MPP7: variants seen among roughly 807,000 people sequenced by gnomAD.
MPP7 encodes MAGUK p55 subfamily member 7.
Under a neutral mutation model 76.5 loss-of-function variants are expected in MPP7, and 60 were observed. That is an observed-to-expected ratio of 0.78 (90% confidence interval 0.64 to 0.97). The LOEUF is 0.97. Ranked by LOEUF, MPP7 falls within the 50% of genes least tolerant of loss-of-function variation. MPP7 has a pLI of 0.00. For missense variants in MPP7, 641 were observed against 694.0 expected, an observed-to-expected ratio of 0.92 and a Z score of 0.86; for synonymous variants, 237 against 244.5, an observed-to-expected ratio of 0.97 and a Z score of 0.29.
At chr10:28,118,288 A>G (rs1346156642) in intron 11 of MPP7, 1 of 982,536 alleles carries the variant, frequency 1.0e-6, no homozygotes, top group African/African-American at 1.7e-5. Flanking sequence ...AGTTCTTTTA[A>G]AGAAATACAT....
chr10:28,058,348 T>C (rs1254992009), intron 15 of MPP7, 147 bp downstream of exon 15: 3 of 464,156 alleles, frequency 6.5e-6, no homozygotes, highest in African/African-American at 6.0e-5. Context: ...TGTCTCCAAT[T>C]ATATTTAAAT....
intron 1 of MPP7, among the ~76,000 whole-genome samples, chr10:28,247,348 T>C (rs960756665): frequency 3.3e-5 from 5 of 152,208 alleles, no homozygotes; most frequent in African/African-American, 1.2e-4. Flanking sequence ...TTGTAAATAA[T>C]TATGTCATAA....
intron 11 of MPP7, among the ~76,000 whole-genome samples, chr10:28,101,456 GGAGTA>G (rs995770139): frequency 6.6e-6 from 1 of 152,062 alleles, no homozygotes; most frequent in Non-Finnish European, 1.5e-5. Context: ...AAAACACCTA[GGAGTA>G]GATGTGGGTA....
chr10:28,147,735 G>A (rs1312940435), intron 4 of MPP7, among the ~76,000 whole-genome samples, 172 bp from the exon 5 acceptor site: 1 of 152,134 alleles, frequency 6.6e-6, no homozygotes, highest in Non-Finnish European at 1.5e-5. Context: ...TTAGACCTTC[G>A]GTAGTCCAGA....
At chr10:28,079,801 A>G (rs1434752669) in intron 12 of MPP7, among the ~76,000 whole-genome samples, 2 of 152,162 alleles carry the variant, frequency 1.3e-5, no homozygotes, top group Non-Finnish European at 2.9e-5. Flanking sequence ...ACTGAAATCA[A>G]TGAAATGTGG....
chr10:28,281,246 ATTTTTGTAT>A (rs1325086082), intron 1 of MPP7, among the ~76,000 whole-genome samples: 1 of 151,848 alleles, frequency 6.6e-6, no homozygotes, highest in Non-Finnish European at 1.5e-5. Flanking sequence ...CACCTGGCAA[ATTTTTGTAT>A]TTTTTGTATT....
chr10:28,094,089 A>T (rs1853448518), intron 11 of MPP7, among the ~76,000 whole-genome samples: 1 of 152,226 alleles, frequency 6.6e-6, no homozygotes, highest in Non-Finnish European at 1.5e-5. Flanking sequence ...AAAGCCTTAG[A>T]GCTGGAAGAA....
At chr10:28,163,339 G>T (rs996330544) in intron 3 of MPP7, among the ~76,000 whole-genome samples, 1 of 152,152 alleles carries the variant, frequency 6.6e-6, no homozygotes, top group Non-Finnish European at 1.5e-5. Context: ...CTTGACATTA[G>T]ATCTCAATTA....
intron 1 of MPP7, among the ~76,000 whole-genome samples, chr10:28,332,909 C>T (rs1834484167): frequency 6.6e-6 from 1 of 152,114 alleles, no homozygotes; most frequent in South Asian, 2.1e-4. Flanking sequence ...GCAATCCTCC[C>T]ACCCCAGCAC....
At chr10:28,060,142 C>A (rs1279774130) in intron 13 of MPP7, among the ~76,000 whole-genome samples, 1 of 150,490 alleles carries the variant, frequency 6.6e-6, no homozygotes, top group Non-Finnish European at 1.5e-5. Context: ...GTTAGATAAA[C>A]TCTGAAACTG....
intron 11 of MPP7, among the ~76,000 whole-genome samples, chr10:28,113,295 G>C (rs1834561378): frequency 1.3e-5 from 2 of 152,100 alleles, no homozygotes; most frequent in Non-Finnish European, 2.9e-5. Context: ...CTGCATCCCA[G>C]ACAACTCCCC....
In MPP7 at chr10:28,095,194, C is replaced by CATATAT. The variant is rs10528025; in HGVS notation, c.953-5359_953-5354dup. Among the ~76,000 whole-genome samples the CATATAT allele has an allele frequency of 9.2e-3, 1,208 of 130,744 alleles. 10 individuals carry two copies. The highest frequency in any genetic ancestry group is 0.021 in the South Asian group (74 of 3,452). The allele number at this position is 130,744 out of a possible 152,430, so 85.8% of individuals were successfully genotyped here. A position where few individuals can be genotyped will look rare whatever the true frequency, so the allele number is the denominator to read the frequency against. On this transcript the variant is annotated intron_variant, in intron 11 of 16. Coordinates refer to ENST00000683449, the MANE Select transcript of MPP7 (RefSeq NM_001318170.2). ...TATCTGATATACATACACACATATG[C>CATATAT]ATATATATATATATATATATATATA...
intron 11 of MPP7, among the ~76,000 whole-genome samples, chr10:28,114,560 A>G (rs777072410): frequency 6.6e-6 from 1 of 152,168 alleles, no homozygotes; most frequent in Non-Finnish European, 1.5e-5. Flanking sequence ...GTCACTCTGC[A>G]AGGGACATGT....
At chr10:28,292,169 G>A (rs930726213) in intron 1 of MPP7, among the ~76,000 whole-genome samples, 5 of 152,200 alleles carry the variant, frequency 3.3e-5, no homozygotes, top group African/African-American at 7.2e-5. Flanking sequence ...TAGCCTAGGA[G>A]CAACGGGCTA....
intron 11 of MPP7, among the ~76,000 whole-genome samples, chr10:28,094,580 G>A (rs1393611562): frequency 2.0e-5 from 3 of 152,126 alleles, no homozygotes; most frequent in Admixed American, 2.0e-4. Flanking sequence ...AAAGAACCTT[G>A]AAGGCAGGAA....
chr10:28,135,753 A>T (rs1037344086), intron 5 of MPP7, among the ~76,000 whole-genome samples: 9 of 149,658 alleles, frequency 6.0e-5, no homozygotes, highest in African/African-American at 2.2e-4. Flanking sequence ...TAATGCTATG[A>T]TCTCACCTAA....
chr10:28,060,891 A>G (rs1851757252), intron 13 of MPP7, among the ~76,000 whole-genome samples: 1 of 152,252 alleles, frequency 6.6e-6, no homozygotes, highest in Non-Finnish European at 1.5e-5. Flanking sequence ...CCCCTGAAAA[A>G]GAGTATCGCA....
At chr10:28,265,000 T>C (rs1018043932) in intron 1 of MPP7, among the ~76,000 whole-genome samples, 2 of 152,084 alleles carry the variant, frequency 1.3e-5, no homozygotes, top group Admixed American at 1.3e-4. Flanking sequence ...GTGGAGATTA[T>C]AGGGTAGACA....
intron 2 of MPP7, among the ~76,000 whole-genome samples, chr10:28,212,489 G>C (rs1367318018): frequency 6.6e-6 from 1 of 152,206 alleles, no homozygotes; most frequent in African/African-American, 2.4e-5. Flanking sequence ...GCAGTGGGCA[G>C]TTGAATATGG....
Sources: allele counts gnomAD v4.1 joint callset (sites outside exome capture counted in the v4.1 genomes callset), GRCh38; gene constraint gnomAD v4.1.1; transcripts MANE v1.5; gene names NCBI Gene and HGNC (gene_info 2026-07-23, HGNC 2026-07-21).